The following TRIM49C variants were observed in gnomAD, a reference collection of about 807,000 sequenced individuals.
TRIM49C encodes the protein tripartite motif-containing protein 49C.
A neutral mutation model predicts 21.4 loss-of-function variants in TRIM49C; 6 were observed. That is an observed-to-expected ratio of 0.28 (90% CI 0.15 to 0.55). The LOEUF (loss-of-function observed/expected upper bound fraction) is 0.55, where lower values mean the gene tolerates loss of function less well. TRIM49C is among the 20% of genes least tolerant of loss of function. The pLI, the probability that TRIM49C is intolerant of heterozygous loss-of-function variation, is 0.94. For missense variants in TRIM49C, 161 were observed against 442.4 expected (o/e 0.36, Z 5.71); for synonymous variants, 57 against 148.1 (o/e 0.38, Z 4.47).
downstream of TRIM49C, among the ~76,000 whole-genome samples, chr11:90,043,801 A>G (rs1323780111): frequency 2.5e-5 from 3 of 119,988 alleles, no homozygotes; most frequent in Non-Finnish European, 5.1e-5. Context: ...ATTATACTTT[A>G]AGTTCTAGGG....
In TRIM49C at chr11:90,035,933, G is replaced by GA; in HGVS notation, c.461dup (p.Asn154LysfsTer27). On this transcript the variant is annotated frameshift_variant, in exon 4 of 8. Transcript: ENST00000448984. LOFTEE classifies it high-confidence loss of function. ...GCAGTCTTTGTGGGAAAAAGCTTGT[G>GA]AAAATCACAGAAACCTGAATGTGGA... 2 of 986,756 alleles carry GA rather than the reference G, an allele frequency of 2.0e-6. 1 individual carries two copies. The highest frequency in any genetic ancestry group is 2.6e-6 in the Non-Finnish European group (2 of 758,426). The allele number at this position is 986,756 out of a possible 1,614,324, so 61.1% of individuals were successfully genotyped here.
the TRIM49C span, among the ~76,000 whole-genome samples, chr11:90,056,142 A>T: frequency 7.4e-6 from 1 of 135,454 alleles, no homozygotes; most frequent in Non-Finnish European, 1.6e-5. Flanking sequence ...TTGTATTTTT[A>T]GTAGAGACGG....
chr11:90,037,077 ATG>A (rs1950733512), intron 4 of TRIM49C, among the ~76,000 whole-genome samples: 1 of 260 alleles, frequency 3.8e-3, no homozygotes, highest in African/African-American at 6.1e-3. Flanking sequence ...GTATATATGT[ATG>A]TATGTATGTA....
chr11:90,039,015 G>T (rs1362733178), intron 6 of TRIM49C, among the ~76,000 whole-genome samples: 1 of 137,692 alleles, frequency 7.3e-6, no homozygotes, highest in Non-Finnish European at 1.6e-5. Context: ...CGCCTCCCGG[G>T]TTCACACCAT....
the TRIM49C span, among the ~76,000 whole-genome samples, chr11:90,055,782 A>G: frequency 1.4e-5 from 2 of 146,550 alleles, no homozygotes; most frequent in Non-Finnish European, 3.0e-5. Flanking sequence ...TCACTGGTTG[A>G]AGATGTCAGT....
At position 90,039,877 on chromosome 11, in the gene TRIM49C, G is replaced by A. The variant is rs1302238535; in HGVS notation, c.774G>A (p.Val258=). The change falls in exon 7 of 8, where the codon GTG becomes GTA. Residue 258 remains valine, a synonymous_variant. Coordinates refer to ENST00000448984, the MANE Select transcript of TRIM49C (RefSeq NM_001195234.1). ...TTTTTCCTTGCAGGAGTGAGTCCGTGCTGCTGCACATGCCCCAGCCTCTGA... is the reference window on the plus strand; with the variant it reads ...TTTTTCCTTGCAGGAGTGAGTCCGTACTGCTGCACATGCCCCAGCCTCTGA... ...FGDILHRSES[V]LLHMPQPLNP... 1 of 1,080,500 alleles carries A rather than the reference G, an allele frequency of 9.3e-7. No homozygotes were observed. Among genetic ancestry groups the A allele is most frequent in the East Asian group, 3.0e-5 (1 of 33,122 alleles). 66.9% of individuals were successfully genotyped at this position (1,080,500 alleles called of 1,614,324 possible).
chr11:90,043,942 A>G (rs1386784059), downstream of TRIM49C, among the ~76,000 whole-genome samples: 5 of 45,068 alleles, frequency 1.1e-4, 1 homozygote, highest in Non-Finnish European at 1.8e-4. Flanking sequence ...CCACCCCATA[A>G]CAGGCCCCTA....
the TRIM49C span, chr11:90,071,881 A>C: frequency 8.5e-6 from 5 of 586,078 alleles, no homozygotes; most frequent in Non-Finnish European, 1.5e-5. Flanking sequence ...ACGATTTTTC[A>C]TCTAGAAGAA....
the TRIM49C span, among the ~76,000 whole-genome samples, chr11:90,055,956 CTTTTT>C: frequency 1.0e-5 from 1 of 97,840 alleles, no homozygotes. Context: ...CATCTGGATT[CTTTTT>C]TTTTTTTTTT....
At chr11:90,053,215 C>T in the TRIM49C span, 4 of 141,562 alleles carry the variant, frequency 2.8e-5, 1 homozygote, top group Non-Finnish European at 6.2e-5. Flanking sequence ...TTGATGCTGA[C>T]GCAGGAAGGG....
chr11:90,059,785 T>G, the TRIM49C span, among the ~76,000 whole-genome samples: 1 of 142,254 alleles, frequency 7.0e-6, no homozygotes, highest in Non-Finnish European at 1.5e-5. Flanking sequence ...AGGTAACCAT[T>G]TTCCTGAGGT....
the TRIM49C span, among the ~76,000 whole-genome samples, chr11:90,069,734 A>G: frequency 8.8e-6 from 1 of 113,208 alleles, no homozygotes; most frequent in Non-Finnish European, 1.8e-5. Flanking sequence ...TATGTACGGT[A>G]ATTTAAGCAT....
Position 90,035,845 on chromosome 11 carries a change from G to A in TRIM49C, c.412-43G>A, listed in dbSNP as rs778570382. 611 of 570,210 alleles carry A rather than the reference G, an allele frequency of 1.1e-3. 44 individuals carry two copies. The highest frequency in any genetic ancestry group is 1.4e-3 in the Non-Finnish European group (516 of 379,088). The allele number at this position is 570,210 out of a possible 1,614,324, so 35.3% of individuals were successfully genotyped here. ...CTCTCATTCTGGGCCCCCTCCCTATGTCATGGTCTGCACTGGTGCTTCAAT... is the reference window on the plus strand; with the variant it reads ...CTCTCATTCTGGGCCCCCTCCCTATATCATGGTCTGCACTGGTGCTTCAAT... On this transcript the variant is annotated intron_variant, in intron 3 of 7. Coordinates refer to ENST00000448984, the MANE Select transcript of TRIM49C (RefSeq NM_001195234.1).
chr11:90,046,552 C>A (rs1277007456), downstream of TRIM49C, among the ~76,000 whole-genome samples: 2 of 121,902 alleles, frequency 1.6e-5, 1 homozygote, highest in Non-Finnish European at 3.4e-5. Flanking sequence ...AGTTTATTTG[C>A]GTAGAGGTGT....
chr11:90,057,866 T>A, the TRIM49C span: 2 of 1,337,322 alleles, frequency 1.5e-6, 1 homozygote, highest in Non-Finnish European at 2.0e-6. Flanking sequence ...TGGTATCTGC[T>A]GTTCTGGAAT....
At chr11:90,037,093 ATGTAT>A (rs1950733929) in intron 4 of TRIM49C, among the ~76,000 whole-genome samples, 1 of 66,676 alleles carries the variant, frequency 1.5e-5, no homozygotes, top group Non-Finnish European at 3.1e-5. Flanking sequence ...GTATGTATGT[ATGTAT>A]GTGTGTGTGT....
the TRIM49C span, among the ~76,000 whole-genome samples, chr11:90,054,017 A>G: frequency 7.2e-6 from 1 of 137,938 alleles, no homozygotes; most frequent in South Asian, 2.4e-4. Flanking sequence ...TTCTTTTGTA[A>G]ATTTTAATTA....
intron 1 of TRIM49C, among the ~76,000 whole-genome samples, chr11:90,031,964 C>A (rs1391383364): frequency 1.5e-5 from 2 of 134,946 alleles, no homozygotes; most frequent in Non-Finnish European, 3.2e-5. Flanking sequence ...ACTGACGTTA[C>A]CAAAAATTTC....
chr11:90,054,391 C>T, the TRIM49C span, among the ~76,000 whole-genome samples: 2 of 135,506 alleles, frequency 1.5e-5, no homozygotes, highest in East Asian at 2.4e-4. Flanking sequence ...ACTCCTTTTT[C>T]GCCCTCCATT....
Sources: allele counts gnomAD v4.1 joint callset (sites outside exome capture counted in the v4.1 genomes callset), GRCh38; gene constraint gnomAD v4.1.1; transcripts MANE v1.5; gene names NCBI Gene and HGNC (gene_info 2026-07-23, HGNC 2026-07-21).